Variants in MROH9 observed in about 807,000 individuals in gnomAD.
MROH9 encodes maestro heat like repeat family member 9, also known as maestro heat-like repeat-containing protein family member 9.
MROH9 carries 92 observed loss-of-function variants against 98.2 expected under a neutral mutation model. The observed-to-expected ratio is 0.94, with a 90% confidence interval of 0.79 to 1.11. The LOEUF is 1.11. MROH9 is among the 50% of genes most tolerant of loss of function. The probability of loss-of-function intolerance (pLI) is 0.00; values close to 1 mark genes in which losing one functional copy is unlikely to be tolerated. For missense variants in MROH9, 1,057 were observed against 1,014.8 expected (o/e 1.04, Z -0.57); for synonymous variants, 397 against 368.9 (o/e 1.08, Z -0.87).
At chr1:171,032,702 C>T (rs751166440) in intron 20 of MROH9, among the ~76,000 whole-genome samples, 30 of 152,228 alleles carry the variant, frequency 2.0e-4, no homozygotes, top group Non-Finnish European at 4.0e-4. Context: ...CTAGTAGGAT[C>T]GCTCTTGTAT....
At chr1:170,955,483 TG>T (rs752786190) in intron 3 of MROH9, among the ~76,000 whole-genome samples, 43 of 152,194 alleles carry the variant, frequency 2.8e-4, no homozygotes, top group Non-Finnish European at 5.1e-4. Flanking sequence ...CAACATCTAA[TG>T]TTTTTTGATT....
chr1:170,992,025 A>T, intron 11 of MROH9, 139 bp from the exon 12 acceptor site: 1 of 710,514 alleles, frequency 1.4e-6, no homozygotes, highest in Non-Finnish European at 2.1e-6. Flanking sequence ...TAGGAATCTC[A>T]GTTTGCTTTG....
chr1:170,947,465 C>CCA (rs1649375227), intron 2 of MROH9, 62 bp from the exon 3 acceptor site: 6 of 1,406,792 alleles, frequency 4.3e-6, no homozygotes, highest in Non-Finnish European at 6.0e-6. Flanking sequence ...AAATAAGGCC[C>CCA]CACTAAGATG....
At chr1:170,946,806 G>A (rs928118243) in intron 2 of MROH9, among the ~76,000 whole-genome samples, 3 of 151,694 alleles carry the variant, frequency 2.0e-5, no homozygotes, top group African/African-American at 7.3e-5. Flanking sequence ...ATTTCATAAG[G>A]CAATTTTATC....
chr1:171,035,497 G>T (rs548288026), intron 20 of MROH9, among the ~76,000 whole-genome samples: 2 of 151,718 alleles, frequency 1.3e-5, no homozygotes, highest in South Asian at 2.1e-4. Flanking sequence ...ATGTTAAAAG[G>T]CAACCACCAA....
intron 15 of MROH9, among the ~76,000 whole-genome samples, chr1:170,999,448 A>G (rs1651711113): frequency 6.6e-6 from 1 of 152,136 alleles, no homozygotes; most frequent in Non-Finnish European, 1.5e-5. Flanking sequence ...CTTCACTTAG[A>G]ATAATAGTCT....
chr1:170,946,252 T>C (rs936358983), intron 2 of MROH9, among the ~76,000 whole-genome samples: 14 of 151,964 alleles, frequency 9.2e-5, no homozygotes, highest in African/African-American at 2.9e-4. Flanking sequence ...TAATATTTTT[T>C]CCTCAAACCT....
At chr1:170,997,951 G>A (rs1343886112) in intron 14 of MROH9, among the ~76,000 whole-genome samples, 1 of 152,132 alleles carries the variant, frequency 6.6e-6, no homozygotes, top group Non-Finnish European at 1.5e-5. Flanking sequence ...GTGACATTAA[G>A]GAAAGAGATG....
At chr1:170,975,861 G>T (rs1650664889) in intron 8 of MROH9, among the ~76,000 whole-genome samples, 1 of 152,104 alleles carries the variant, frequency 6.6e-6, no homozygotes, top group Admixed American at 6.5e-5. Flanking sequence ...ATTTAGGATG[G>T]TTAAGTCTTC....
intron 3 of MROH9, among the ~76,000 whole-genome samples, chr1:170,950,159 G>A (rs1649493648): frequency 6.6e-6 from 1 of 152,060 alleles, no homozygotes. Flanking sequence ...TGGCTGCACA[G>A]TTGCTGGTCT....
At chr1:170,961,020 A>T (rs1392034326) in intron 5 of MROH9, among the ~76,000 whole-genome samples, 2 of 151,976 alleles carry the variant, frequency 1.3e-5, no homozygotes, top group Non-Finnish European at 2.9e-5. Context: ...TCTCCAACCT[A>T]TTTCAAATCA....
Position 170,998,204 on chromosome 1 carries a change from T to C in MROH9, c.1526T>C (p.Leu509Pro). The change falls in exon 15 of 22, where the codon CTC becomes CCC. Residue 509 changes from leucine (L) to proline (P), a missense_variant. Transcript: ENST00000367759. ...CAGTTTCCGGAGACCCTGAGTTATC[T>C]CTATAAGCTCTCAGTAGAAGGTCCT... is the stretch of plus-strand genomic sequence containing the variant. ...FPQFPETLSY[L>P]YKLSVEGPRR... is the part of the protein sequence containing the mutation. The C allele has an allele frequency of 6.2e-7, 1 of 1,612,580 alleles. No individual in the cohort carries two copies. Among genetic ancestry groups the C allele is most frequent in the South Asian group, 1.1e-5 (1 of 90,786 alleles).
chr1:171,024,331 TA>T, intron 17 of MROH9, 63 bp from the exon 18 acceptor site: 2 of 1,172,680 alleles, frequency 1.7e-6, no homozygotes, highest in South Asian at 2.7e-5. Context: ...TGTGTGTGTG[TA>T]GATTACTGAT....
At position 170,945,571 on chromosome 1, in the gene MROH9, T is replaced by C. The variant is rs747856311; in HGVS notation, c.15T>C (p.Asn5=). 5 of 1,612,046 alleles carry C rather than the reference T, an allele frequency of 3.1e-6. No individual in the cohort carries two copies. In the South Asian group the frequency reaches 5.5e-5, roughly 18 times the overall value. Residue 5 remains asparagine, a synonymous_variant, in exon 2 of 22, where the codon AAT becomes AAC. Coordinates refer to ENST00000367759, the MANE Select transcript of MROH9 (RefSeq NM_001163629.2). The stretch of plus-strand genomic sequence containing the variant: ...CCTCTGTCAGCATGTTGACAAGGAA[T>C]CCAAAAACAAGTAAGGCTTTAGGAC... MLTR[N]PKTKSSLQIL...
intron 1 of MROH9, 95 bp from the exon 2 acceptor site, chr1:170,945,425 A>T: frequency 2.7e-6 from 2 of 751,958 alleles, no homozygotes. Context: ...CACAATCCAC[A>T]TACTGTATAT....
intron 8 of MROH9, among the ~76,000 whole-genome samples, chr1:170,972,987 C>T (rs1167556165): frequency 6.6e-6 from 1 of 151,564 alleles, no homozygotes; most frequent in Non-Finnish European, 1.5e-5. Context: ...TTCTAAGAGC[C>T]AACACAAAAA....
intron 20 of MROH9, among the ~76,000 whole-genome samples, chr1:171,057,981 C>A (rs1653898186): frequency 6.6e-6 from 1 of 151,900 alleles, no homozygotes; most frequent in Non-Finnish European, 1.5e-5. Context: ...AAAAAAACAC[C>A]AAAATATATT....
chr1:170,949,780 C>T (rs1277132978), intron 3 of MROH9, among the ~76,000 whole-genome samples: 1 of 152,008 alleles, frequency 6.6e-6, no homozygotes. Context: ...AAATCACCAA[C>T]AGGAAGGGGA....
intron 19 of MROH9, 150 bp downstream of exon 19, chr1:171,024,915 C>T: frequency 1.7e-6 from 1 of 603,316 alleles, no homozygotes; most frequent in Non-Finnish European, 2.9e-6. Context: ...ATAGCTGGAG[C>T]TTGAGCCGAG....
Sources: gnomAD v4.1 joint callset for allele counts (sites outside exome capture counted in the v4.1 genomes callset) on GRCh38, gnomAD v4.1.1 for gene constraint, MANE v1.5 for transcripts, NCBI Gene and HGNC (gene_info 2026-07-23, HGNC 2026-07-21) for gene names.